The following EFR3A variants were observed in gnomAD, a reference collection of about 807,000 sequenced individuals.
EFR3A encodes protein EFR3 homolog A.
A neutral mutation model predicts 104.4 loss-of-function variants in EFR3A; 76 were observed. The observed-to-expected ratio is 0.73, with a 90% CI of 0.60 to 0.88. The LOEUF is 0.88. Ranked by LOEUF, EFR3A falls within the 40% of genes least tolerant of loss-of-function variation. EFR3A has a pLI of 0.00. For synonymous variants in EFR3A, 330 were observed against 330.0 expected, an observed-to-expected ratio of 1.00 and a Z score of 0.00; for missense variants, 985 against 1,012.5, an observed-to-expected ratio of 0.97 and a Z score of 0.37.
chr8:131,908,778 A>C (rs546089651), intron 1 of EFR3A, among the ~76,000 whole-genome samples: 1 of 152,312 alleles, frequency 6.6e-6, no homozygotes, highest in African/African-American at 2.4e-5. Context: ...TTTGCTTAGC[A>C]CTGTGCCTGG....
chr8:131,928,716 A>G (rs537771290), intron 1 of EFR3A, among the ~76,000 whole-genome samples: 1 of 152,256 alleles, frequency 6.6e-6, no homozygotes, highest in African/African-American at 2.4e-5. Context: ...GAAATTTTAA[A>G]TTACATTATT....
chr8:131,943,557 AGATT>A (rs1818269059), intron 2 of EFR3A, among the ~76,000 whole-genome samples: 8 of 152,140 alleles, frequency 5.3e-5, no homozygotes, highest in Admixed American at 3.9e-4. Flanking sequence ...CAGGAAAACT[AGATT>A]GCTTCACTTT....
At chr8:132,007,100 T>C (rs1203504187) in intron 22 of EFR3A, among the ~76,000 whole-genome samples, 3 of 151,912 alleles carry the variant, frequency 2.0e-5, no homozygotes, top group Non-Finnish European at 4.4e-5. Flanking sequence ...GTCAAGGATG[T>C]CTACTCTCAC....
intron 3 of EFR3A, among the ~76,000 whole-genome samples, chr8:131,945,141 G>A (rs573646376): frequency 6.6e-6 from 1 of 151,918 alleles, no homozygotes; most frequent in East Asian, 1.9e-4. Context: ...CTTTTCTAAT[G>A]GGAAATAGTA....
chr8:131,930,896 G>T (rs1239944308), intron 1 of EFR3A, among the ~76,000 whole-genome samples: 1 of 152,064 alleles, frequency 6.6e-6, no homozygotes, highest in Admixed American at 6.6e-5. Flanking sequence ...ATCTTACGAG[G>T]TGCAGCCTAT....
intron 4 of EFR3A, among the ~76,000 whole-genome samples, chr8:131,949,681 G>T (rs571068915): frequency 8.7e-4 from 132 of 151,892 alleles, no homozygotes; most frequent in East Asian, 4.1e-3. Flanking sequence ...AGGTTTGGTG[G>T]TGCGTGCCTG....
chr8:131,905,633 A>G (rs549132554), intron 1 of EFR3A, among the ~76,000 whole-genome samples: 2 of 152,286 alleles, frequency 1.3e-5, no homozygotes, highest in South Asian at 4.1e-4. Context: ...TGTCCAGTTT[A>G]AATTTCTGTT....
intron 18 of EFR3A, among the ~76,000 whole-genome samples, chr8:131,988,361 T>A (rs1821005532): frequency 6.6e-6 from 1 of 152,116 alleles, no homozygotes; most frequent in Non-Finnish European, 1.5e-5. Flanking sequence ...TCTTTGGGGA[T>A]ACCTCTGTTC....
At chr8:131,959,700 G>A in intron 8 of EFR3A, 37 bp downstream of exon 8, 1 of 1,512,020 alleles carries the variant, frequency 6.6e-7, no homozygotes, top group South Asian at 1.2e-5. Context: ...ATTTATATAA[G>A]TAATTTTGGT....
intron 4 of EFR3A, among the ~76,000 whole-genome samples, 157 bp downstream of exon 4, chr8:131,946,790 G>A (rs1818464459): frequency 6.6e-6 from 1 of 152,050 alleles, no homozygotes; most frequent in Non-Finnish European, 1.5e-5. Flanking sequence ...TTGCCTCTCA[G>A]TTTTTCTGCT....
chr8:131,999,343 C>G (rs1251317680), intron 19 of EFR3A, among the ~76,000 whole-genome samples: 1 of 152,108 alleles, frequency 6.6e-6, no homozygotes, highest in Admixed American at 6.5e-5. Context: ...TAGTCACACT[C>G]TGTGGTGCTA....
At chr8:132,001,830 G>C in intron 20 of EFR3A, 23 bp downstream of exon 20, 1 of 1,596,460 alleles carries the variant, frequency 6.3e-7, no homozygotes, top group Non-Finnish European at 8.6e-7. Flanking sequence ...GCACTTGTTA[G>C]TACTACCAAT....
chr8:131,929,054 G>A (rs1041066608), intron 1 of EFR3A, among the ~76,000 whole-genome samples: 8 of 152,060 alleles, frequency 5.3e-5, no homozygotes, highest in Non-Finnish European at 1.0e-4. Context: ...TCACTTAAAT[G>A]CTTTTGGTTT....
intron 1 of EFR3A, among the ~76,000 whole-genome samples, chr8:131,918,875 G>C (rs1411016049): frequency 6.6e-6 from 1 of 152,180 alleles, no homozygotes; most frequent in Non-Finnish European, 1.5e-5. Context: ...AATTTTGCCT[G>C]AGATAACTCA....
At chr8:131,943,580 C>T (rs1468078408) in intron 2 of EFR3A, among the ~76,000 whole-genome samples, 4 of 152,130 alleles carry the variant, frequency 2.6e-5, no homozygotes, top group Non-Finnish European at 5.9e-5. Context: ...TTGCCTAGGG[C>T]AGGGTTTCTC....
chr8:131,908,670 A>G (rs1033012108), intron 1 of EFR3A, among the ~76,000 whole-genome samples: 3 of 152,136 alleles, frequency 2.0e-5, no homozygotes, highest in Non-Finnish European at 4.4e-5. Context: ...TTGCAACTAG[A>G]TGGGTCTGAC....
chr8:131,927,784 T>C (rs1817374361), intron 1 of EFR3A, among the ~76,000 whole-genome samples: 1 of 152,132 alleles, frequency 6.6e-6, no homozygotes, highest in Non-Finnish European at 1.5e-5. Flanking sequence ...AATTGAATTA[T>C]CGTTTATTAT....
chr8:131,958,527 G>A (rs1003093764), intron 7 of EFR3A, among the ~76,000 whole-genome samples: 9 of 151,790 alleles, frequency 5.9e-5, no homozygotes, highest in Non-Finnish European at 1.3e-4. Flanking sequence ...AGAGCCTAGA[G>A]CATAGTATGT....
At chr8:132,008,003 A>G (rs1330583901) in intron 22 of EFR3A, among the ~76,000 whole-genome samples, 1 of 152,068 alleles carries the variant, frequency 6.6e-6, no homozygotes, top group Non-Finnish European at 1.5e-5. Flanking sequence ...TTTCTAAAAG[A>G]AAACATAGGA....
Sources: gnomAD v4.1 joint callset for allele counts (sites outside exome capture counted in the v4.1 genomes callset) on GRCh38, gnomAD v4.1.1 for gene constraint, MANE v1.5 for transcripts, NCBI Gene and HGNC (gene_info 2026-07-23, HGNC 2026-07-21) for gene names.